The following TBCCD1 variants were observed in gnomAD, a reference collection of about 807,000 sequenced individuals.
The protein encoded by TBCCD1 is TBCC domain containing 1, also known as TBCC domain-containing protein 1.
A neutral mutation model predicts 53.4 loss-of-function variants in TBCCD1; 26 were observed. The observed-to-expected ratio is 0.49, with a 90% CI of 0.36 to 0.68. TBCCD1 has a LOEUF of 0.68. Among genes scored for constraint, TBCCD1 ranks in the 30% least tolerant of loss-of-function variants. TBCCD1 has a pLI of 0.00. For synonymous variants in TBCCD1, 245 were observed against 241.7 expected (o/e 1.01, Z -0.13); for missense variants, 558 against 669.5 (o/e 0.83, Z 1.84).
upstream of TBCCD1, among the ~76,000 whole-genome samples, chr3:186,568,650 C>A (rs533719327): frequency 6.4e-4 from 97 of 152,232 alleles, no homozygotes; most frequent in Non-Finnish European, 9.6e-4. Flanking sequence ...CCTATAATCC[C>A]AGCAGTTTGG....
At chr3:186,547,624 T>A (rs111829280) in intron 7 of TBCCD1, among the ~76,000 whole-genome samples, 2 of 145,600 alleles carry the variant, frequency 1.4e-5, no homozygotes, top group African/African-American at 2.7e-5. Flanking sequence ...TTTTTTTTTT[T>A]AAGACGGAGT....
upstream of TBCCD1, chr3:186,570,237 A>G (rs1714976367): frequency 1.6e-6 from 1 of 622,572 alleles, no homozygotes; most frequent in African/African-American, 1.8e-5. Context: ...CGTCTGATGT[A>G]CACCTGTCGT....
chr3:186,552,685 A>G (rs1201904580), intron 6 of TBCCD1, among the ~76,000 whole-genome samples: 1 of 152,234 alleles, frequency 6.6e-6, no homozygotes, highest in Non-Finnish European at 1.5e-5. Context: ...CCAAATCATT[A>G]ACACAAGCCA....
intron 7 of TBCCD1, among the ~76,000 whole-genome samples, chr3:186,547,948 A>G (rs920151492): frequency 6.6e-6 from 1 of 152,264 alleles, no homozygotes; most frequent in Non-Finnish European, 1.5e-5. Flanking sequence ...AGCAAAAAAT[A>G]CACTTTTACA....
chr3:186,558,706 ATATG>A, intron 2 of TBCCD1, 134 bp from the exon 3 acceptor site: 1 of 865,458 alleles, frequency 1.2e-6, no homozygotes, highest in South Asian at 1.8e-5. Context: ...GCCAGTTTTG[ATATG>A]TATGTCTCTG....
intron 6 of TBCCD1, 49 bp from the exon 7 acceptor site, chr3:186,551,328 T>C: frequency 3.3e-6 from 5 of 1,503,156 alleles, no homozygotes; most frequent in Non-Finnish European, 4.6e-6. Flanking sequence ...TGAATTCATA[T>C]AAATTGTACT....
At chr3:186,549,452 G>A (rs1460049928) in intron 7 of TBCCD1, among the ~76,000 whole-genome samples, 6 of 151,910 alleles carry the variant, frequency 3.9e-5, no homozygotes, top group African/African-American at 9.7e-5. Flanking sequence ...CAGGAGGAAC[G>A]CTTTAAGCCA....
chr3:186,556,139 A>G (rs1430754669), intron 4 of TBCCD1, among the ~76,000 whole-genome samples: 1 of 152,206 alleles, frequency 6.6e-6, no homozygotes, highest in Non-Finnish European at 1.5e-5. Flanking sequence ...TTTATTACAC[A>G]TGTACCAGGT....
At chr3:186,562,319 T>C (rs1714710978) in intron 2 of TBCCD1, among the ~76,000 whole-genome samples, 1 of 152,212 alleles carries the variant, frequency 6.6e-6, no homozygotes, top group Non-Finnish European at 1.5e-5. Context: ...TACTCCAGCT[T>C]GGGCAACAGA....
At chr3:186,554,230 C>T (rs1560224486) in intron 6 of TBCCD1, 24 bp downstream of exon 6, 5 of 1,607,142 alleles carry the variant, frequency 3.1e-6, no homozygotes, top group Non-Finnish European at 4.2e-6. Context: ...AAAACACAAA[C>T]TGTTACTTGT....
intron 5 of TBCCD1, 61 bp from the exon 6 acceptor site, chr3:186,554,812 ATAT>A (rs1179970792): frequency 2.5e-6 from 4 of 1,592,836 alleles, no homozygotes; most frequent in East Asian, 2.2e-5. Context: ...TTTGACTAAA[ATAT>A]TATTATCTGA....
intron 2 of TBCCD1, among the ~76,000 whole-genome samples, chr3:186,560,687 TC>T (rs1714667598): frequency 6.6e-6 from 1 of 152,222 alleles, no homozygotes; most frequent in Non-Finnish European, 1.5e-5. Context: ...CATGGGATTT[TC>T]CTTATCTCCT....
chr3:186,556,277 C>A, intron 4 of TBCCD1, 132 bp downstream of exon 4: 1 of 983,200 alleles, frequency 1.0e-6, no homozygotes. Context: ...GACAGATGTT[C>A]CTTTTTCTCT....
Position 186,564,068 on chromosome 3 carries a change from C to T in TBCCD1, c.262G>A (p.Glu88Lys), listed in dbSNP as rs762867499. Residue 88 changes from glutamate (E) to lysine (K), a missense_variant, in exon 2 of 8, where the codon GAG (glutamate) becomes AAG (lysine). Physicochemically the swap from Glu to Lys is moderately conservative, Grantham distance 56 (BLOSUM62 1). Transcript: ENST00000338733. ...IFDSLSMKTP[E>K]ERLEWSEVLS... ...ACCTCAGACCATTCCAGGCGCTCCT[C>T]AGGTGTCTTCATTGAAAGACTATCA... is the stretch of plus-strand genomic sequence containing the variant. 1.1e-5 allele frequency: 17 copies of T among 1,614,190 alleles called. No homozygotes were observed. The highest frequency in any genetic ancestry group is 1.4e-5 in the Non-Finnish European group (17 of 1,180,044).
intron 6 of TBCCD1, chr3:186,553,337 AGAACTGCTT>A (rs1480735102): frequency 2.0e-4 from 31 of 152,366 alleles, no homozygotes; most frequent in African/African-American, 7.0e-4. Flanking sequence ...TTCAAACAAC[AGAACTGCTT>A]TAAAAGAATG....
chr3:186,550,647 A>T (rs1334754054), intron 7 of TBCCD1, among the ~76,000 whole-genome samples: 3 of 152,038 alleles, frequency 2.0e-5, no homozygotes, highest in Non-Finnish European at 4.4e-5. Flanking sequence ...ATTTGTTTGT[A>T]TGCATATTCT....
intron 7 of TBCCD1, among the ~76,000 whole-genome samples, chr3:186,550,838 T>C (rs1329695372): frequency 6.6e-6 from 1 of 152,144 alleles, no homozygotes; most frequent in Non-Finnish European, 1.5e-5. Context: ...CTTAGAACTA[T>C]GTATGGGGGA....
chr3:186,556,470 C>T lies in TBCCD1; in HGVS notation c.798G>A (p.Gly266=), dbSNP rs576990948. 1.9e-6 allele frequency: 3 copies of T among 1,608,698 alleles called. No individual in the cohort carries two copies. In the African/African-American group the frequency reaches 4.0e-5, roughly 22 times the overall value. The stretch of plus-strand genomic sequence containing the variant: ...GGCAAGCTGATGTACCAAATGGATT[C>T]CCAGTCAAACAGGACCTCAACCAGG... ...LETWLRSCLT[G]NPFGTSACLK... Residue 266 remains glycine (G), a synonymous_variant, in exon 4 of 8, where the codon GGG becomes GGA. Transcript: ENST00000338733.
At chr3:186,563,665 A>G (rs1714744831) in intron 2 of TBCCD1, among the ~76,000 whole-genome samples, 1 of 152,240 alleles carries the variant, frequency 6.6e-6, no homozygotes, top group Non-Finnish European at 1.5e-5. Context: ...CATTGAATAC[A>G]TGAAATACTG....
Sources: gnomAD v4.1 joint callset for allele counts (sites outside exome capture counted in the v4.1 genomes callset) on GRCh38, gnomAD v4.1.1 for gene constraint, MANE v1.5 for transcripts, NCBI Gene and HGNC (gene_info 2026-07-23, HGNC 2026-07-21) for gene names.